ERG: variants seen among roughly 807,000 people sequenced by gnomAD.
ERG encodes the protein transcriptional regulator ERG.
A neutral mutation model predicts 55.3 loss-of-function variants in ERG; 9 were observed. The observed-to-expected ratio is 0.16, with a 90% confidence interval of 0.10 to 0.28. The LOEUF is 0.28. Among genes scored for constraint, ERG ranks in the 10% least tolerant of loss-of-function variants. The pLI, the probability that ERG is intolerant of heterozygous loss-of-function variation, is 1.00. For missense variants in ERG, 434 were observed against 631.6 expected (o/e 0.69, Z 3.35); for synonymous variants, 223 against 237.3 (o/e 0.94, Z 0.55).
chr21:38,398,012 C>G (rs1988311779), intron 6 of ERG, among the ~76,000 whole-genome samples: 1 of 152,158 alleles, frequency 6.6e-6, no homozygotes, highest in South Asian at 2.1e-4. Context: ...CATGGCACAG[C>G]AAACCAAGAG....
chr21:38,585,142 G>A (rs2060054284), upstream of ERG, among the ~76,000 whole-genome samples: 1 of 152,180 alleles, frequency 6.6e-6, no homozygotes, highest in Non-Finnish European at 1.5e-5. Context: ...CCAGCATTAT[G>A]AAGCAAAAAT....
At chr21:38,487,796 G>T (rs2059300129) in intron 1 of ERG, among the ~76,000 whole-genome samples, 1 of 152,240 alleles carries the variant, frequency 6.6e-6, no homozygotes, top group South Asian at 2.1e-4. Flanking sequence ...AGGATACTGA[G>T]ATTGACATAG....
chr21:38,461,260 C>T (rs1386176464), intron 1 of ERG, among the ~76,000 whole-genome samples: 2 of 152,062 alleles, frequency 1.3e-5, no homozygotes, highest in Non-Finnish European at 2.9e-5. Context: ...TTCATATCAT[C>T]CTCCCTCTAT....
At chr21:38,426,497 T>G (rs1217624695) in intron 2 of ERG, among the ~76,000 whole-genome samples, 8 of 152,200 alleles carry the variant, frequency 5.3e-5, no homozygotes, top group Admixed American at 1.3e-4. Flanking sequence ...CTAGACAACC[T>G]TTGTTCAGAT....
At chr21:38,657,088 T>C (rs568244697) in intron 1 of ERG, among the ~76,000 whole-genome samples, 47 of 151,408 alleles carry the variant, frequency 3.1e-4, no homozygotes, top group Admixed American at 1.2e-3. Flanking sequence ...TTGTCCCAGA[T>C]CACATCTGAT....
intron 1 of ERG, among the ~76,000 whole-genome samples, chr21:38,627,083 T>A (rs934928200): frequency 3.9e-5 from 6 of 152,004 alleles, no homozygotes; most frequent in African/African-American, 7.2e-5. Flanking sequence ...CATAAAAAAA[T>A]TTTTTAAATA....
intron 1 of ERG, among the ~76,000 whole-genome samples, chr21:38,653,416 C>T (rs375307905): frequency 6.6e-6 from 1 of 152,134 alleles, no homozygotes; most frequent in South Asian, 2.1e-4. Flanking sequence ...TCTGACTGCC[C>T]GCTGATCTCT....
At chr21:38,466,788 G>T (rs1432399473) in intron 1 of ERG, among the ~76,000 whole-genome samples, 4 of 152,136 alleles carry the variant, frequency 2.6e-5, no homozygotes, top group Non-Finnish European at 1.5e-5. Flanking sequence ...TTACAACAGG[G>T]TGGGAGCCCC....
intron 2 of ERG, among the ~76,000 whole-genome samples, chr21:38,431,743 G>T (rs1990223116): frequency 6.6e-6 from 1 of 152,188 alleles, no homozygotes; most frequent in Admixed American, 6.5e-5. Flanking sequence ...GTTAAGCTTT[G>T]AGAGTTTTTC....
chr21:38,533,301 G>A (rs908430707), intron 2 of ERG, among the ~76,000 whole-genome samples: 4 of 152,248 alleles, frequency 2.6e-5, no homozygotes, highest in Admixed American at 1.3e-4. Flanking sequence ...ATACAAAGAC[G>A]ACAACTGGTT....
chr21:38,421,982 T>G (rs547835075), intron 3 of ERG, among the ~76,000 whole-genome samples: 78 of 152,268 alleles, frequency 5.1e-4, no homozygotes, highest in African/African-American at 1.8e-3. Flanking sequence ...CCTCCCAAAG[T>G]GCTGGGATTA....
chr21:38,477,352 A>C (rs1459812423), intron 1 of ERG, among the ~76,000 whole-genome samples: 1 of 150,388 alleles, frequency 6.6e-6, no homozygotes, highest in Non-Finnish European at 1.5e-5. Context: ...ACTCTCACTC[A>C]CTCCCAATTC....
chr21:38,391,452 T>G (rs945197857), intron 8 of ERG, among the ~76,000 whole-genome samples: 1 of 152,210 alleles, frequency 6.6e-6, no homozygotes, highest in Non-Finnish European at 1.5e-5. Context: ...TTTTCCCTAT[T>G]TATTGCATAG....
chr21:38,611,388 C>T (rs1344604169), intron 1 of ERG, among the ~76,000 whole-genome samples: 1 of 152,152 alleles, frequency 6.6e-6, no homozygotes, highest in African/African-American at 2.4e-5. Flanking sequence ...CCTTAGGGAA[C>T]CTGGCAGCAC....
chr21:38,633,549 C>A (rs540287115), intron 1 of ERG, among the ~76,000 whole-genome samples: 1 of 152,316 alleles, frequency 6.6e-6, no homozygotes, highest in Non-Finnish European at 1.5e-5. Flanking sequence ...CTGCTCCATG[C>A]TATATCAGCA....
At chr21:38,621,424 T>G (rs572421033) in intron 1 of ERG, among the ~76,000 whole-genome samples, 16 of 152,248 alleles carry the variant, frequency 1.1e-4, no homozygotes, top group Admixed American at 7.2e-4. Context: ...AGAGGAATCA[T>G]GCATTTCTGC....
intron 1 of ERG, among the ~76,000 whole-genome samples, chr21:38,452,340 T>C (rs1008926): frequency 0.064 from 9,707 of 152,254 alleles, 407 homozygotes; most frequent in South Asian, 0.12. Flanking sequence ...CATATATACA[T>C]ACACACACAT....
At chr21:38,595,337 T>C (rs2060124689) in intron 1 of ERG, among the ~76,000 whole-genome samples, 1 of 152,052 alleles carries the variant, frequency 6.6e-6, no homozygotes, top group Non-Finnish European at 1.5e-5. Flanking sequence ...AGCCTCGGAA[T>C]GCAAGAGACA....
At chr21:38,438,297 A>C (rs183776012) in intron 2 of ERG, among the ~76,000 whole-genome samples, 1 of 152,244 alleles carries the variant, frequency 6.6e-6, no homozygotes, top group East Asian at 1.9e-4. Context: ...CTGTGTTTTC[A>C]TAAGTGGTCT....
Sources: allele counts gnomAD v4.1 joint callset (sites outside exome capture counted in the v4.1 genomes callset), GRCh38; gene constraint gnomAD v4.1.1; transcripts MANE v1.5; gene names NCBI Gene and HGNC (gene_info 2026-07-23, HGNC 2026-07-21).